SAMSN1: variants seen among roughly 807,000 people sequenced by gnomAD.
The protein encoded by SAMSN1 is SAM domain, SH3 domain and nuclear localization signals 1, also known as SAM domain-containing protein SAMSN-1.
A neutral mutation model predicts 42.0 loss-of-function variants in SAMSN1; 31 were observed. The ratio of observed to expected loss-of-function variants is 0.74; its 90% CI spans 0.55 to 1.00. The LOEUF is 1.00. Ranked by LOEUF, SAMSN1 falls within the 50% of genes least tolerant of loss-of-function variation. The probability of loss-of-function intolerance (pLI) is 0.00; values close to 1 mark genes in which losing one functional copy is unlikely to be tolerated. For missense variants in SAMSN1, 464 were observed against 439.4 expected, an observed-to-expected ratio of 1.06 and a Z score of -0.50; for synonymous variants, 178 against 151.9, an observed-to-expected ratio of 1.17 and a Z score of -1.26.
At chr21:14,498,629 T>A (rs772281572) in intron 6 of SAMSN1, 37 bp from the exon 7 acceptor site, 10 of 1,486,014 alleles carry the variant, frequency 6.7e-6, no homozygotes, top group Non-Finnish European at 8.1e-6. Context: ...TTAGTCAGAT[T>A]CAAATATTTT....
intron 5 of SAMSN1, among the ~76,000 whole-genome samples, chr21:14,607,358 C>T (rs2822807): frequency 0.075 from 11,365 of 152,180 alleles, 1,169 homozygotes; most frequent in African/African-American, 0.24. Flanking sequence ...CCAAATGAAA[C>T]CACTATACCC....
chr21:14,591,715 T>G (rs971870578), intron 7 of SAMSN1, among the ~76,000 whole-genome samples: 1 of 152,176 alleles, frequency 6.6e-6, no homozygotes, highest in Non-Finnish European at 1.5e-5. Flanking sequence ...CTAAGCAGTA[T>G]AATTTAGGTT....
intron 2 of SAMSN1, among the ~76,000 whole-genome samples, chr21:14,552,320 G>A (rs976100037): frequency 4.5e-4 from 68 of 152,098 alleles, no homozygotes; most frequent in Non-Finnish European, 9.6e-4. Flanking sequence ...TCCTTTCTAT[G>A]AAGTTCCTTG....
At chr21:14,549,992 GT>G (rs529863731), upstream of SAMSN1, among the ~76,000 whole-genome samples, 468 of 151,960 alleles carry the variant, frequency 3.1e-3, 1 homozygote, top group African/African-American at 0.011. Context: ...ATCTGATGAC[GT>G]TCTCTGCAAT....
intron 1 of SAMSN1, among the ~76,000 whole-genome samples, chr21:14,655,709 T>G (rs561700920): frequency 2.1e-3 from 316 of 151,846 alleles, no homozygotes; most frequent in Non-Finnish European, 3.6e-3. Flanking sequence ...TATAAATAAT[T>G]ATATGAGCAT....
At chr21:14,567,936 G>A (rs189794754) in intron 2 of SAMSN1, among the ~76,000 whole-genome samples, 246 of 152,236 alleles carry the variant, frequency 1.6e-3, no homozygotes, top group African/African-American at 5.4e-3. Flanking sequence ...AGACTTCTTG[G>A]ATAGGTGAAA....
intron 1 of SAMSN1, among the ~76,000 whole-genome samples, chr21:14,537,745 C>G (rs922949588): frequency 1.3e-5 from 2 of 152,058 alleles, no homozygotes; most frequent in African/African-American, 2.4e-5. Flanking sequence ...AATATTCGGC[C>G]TAGGCTCCAA....
chr21:14,603,017 A>G (rs1982475250), intron 5 of SAMSN1, among the ~76,000 whole-genome samples: 1 of 152,176 alleles, frequency 6.6e-6, no homozygotes, highest in Non-Finnish European at 1.5e-5. Context: ...AATATTTAAA[A>G]TGAGAGTAAC....
intron 6 of SAMSN1, among the ~76,000 whole-genome samples, chr21:14,599,606 C>T (rs1444719502): frequency 2.0e-5 from 3 of 152,122 alleles, no homozygotes; most frequent in East Asian, 1.9e-4. Flanking sequence ...AATGTTCTCC[C>T]TCAGTGGTGA....
At chr21:14,504,892 G>A (rs985325462) in intron 5 of SAMSN1, among the ~76,000 whole-genome samples, 1 of 152,232 alleles carries the variant, frequency 6.6e-6, no homozygotes, top group Admixed American at 6.5e-5. Flanking sequence ...CAGATTAACA[G>A]CAGATTTCTC....
chr21:14,577,250 A>G (rs1186009569), intron 2 of SAMSN1, among the ~76,000 whole-genome samples: 3 of 33,644 alleles, frequency 8.9e-5, no homozygotes, highest in East Asian at 6.2e-4. Flanking sequence ...ATATATATAT[A>G]TATATATATA....
At chr21:14,535,382 A>C (rs1600907042) in intron 1 of SAMSN1, among the ~76,000 whole-genome samples, 1 of 152,186 alleles carries the variant, frequency 6.6e-6, no homozygotes, top group East Asian at 1.9e-4. Flanking sequence ...AAAGGCAGTC[A>C]AGTCAAATGT....
chr21:14,532,750 C>T (rs990043933), intron 1 of SAMSN1, among the ~76,000 whole-genome samples: 2 of 151,924 alleles, frequency 1.3e-5, no homozygotes, highest in African/African-American at 4.8e-5. Context: ...GTGAGATAGT[C>T]ATAATCTTAA....
At chr21:14,638,326 A>G (rs1983515268) in intron 2 of SAMSN1, among the ~76,000 whole-genome samples, 1 of 152,182 alleles carries the variant, frequency 6.6e-6, no homozygotes, top group African/African-American at 2.4e-5. Flanking sequence ...CTCATTTTTT[A>G]TATGAAGTCT....
chr21:14,615,426 CAAGG>C (rs2123331784), intron 3 of SAMSN1, among the ~76,000 whole-genome samples: 1 of 152,240 alleles, frequency 6.6e-6, no homozygotes, highest in South Asian at 2.1e-4. Flanking sequence ...ATCCAGGGTG[CAAGG>C]AAGCCATTCT....
At chr21:14,538,723 C>T (rs1427607653) in intron 1 of SAMSN1, among the ~76,000 whole-genome samples, 1 of 152,168 alleles carries the variant, frequency 6.6e-6, no homozygotes, top group Non-Finnish European at 1.5e-5. Context: ...ATAATCAACT[C>T]ATCACCTCTC....
intron 2 of SAMSN1, among the ~76,000 whole-genome samples, chr21:14,618,428 G>T (rs1480835922): frequency 6.6e-6 from 1 of 152,080 alleles, no homozygotes; most frequent in Admixed American, 6.5e-5. Context: ...CTATTCCCTC[G>T]GTGTTGCCTA....
chr21:14,589,669 G>T, intron 7 of SAMSN1, among the ~76,000 whole-genome samples: 1 of 151,980 alleles, frequency 6.6e-6, no homozygotes, highest in Non-Finnish European at 1.5e-5. Context: ...GGCTTATGGA[G>T]ACTAACAAAA....
intron 7 of SAMSN1, among the ~76,000 whole-genome samples, chr21:14,486,695 G>A (rs759444720): frequency 6.6e-6 from 1 of 152,030 alleles, no homozygotes; most frequent in Non-Finnish European, 1.5e-5. Context: ...TCACAAAATA[G>A]GCATAAGAAA....
Sources: allele counts gnomAD v4.1 joint callset (sites outside exome capture counted in the v4.1 genomes callset), GRCh38; gene constraint gnomAD v4.1.1; transcripts MANE v1.5; gene names NCBI Gene and HGNC (gene_info 2026-07-23, HGNC 2026-07-21).